The following ZNF445 variants were observed in gnomAD, a reference collection of about 807,000 sequenced individuals.
The protein encoded by ZNF445 is zinc finger protein 445.
A neutral mutation model predicts 93.9 loss-of-function variants in ZNF445; 19 were observed. The ratio of observed to expected loss-of-function variants is 0.20; its 90% CI spans 0.14 to 0.30. The LOEUF (loss-of-function observed/expected upper bound fraction) is 0.30. Among genes scored for constraint, ZNF445 ranks in the 10% least tolerant of loss-of-function variants. The pLI, the probability that ZNF445 is intolerant of heterozygous loss-of-function variation, is 1.00. For synonymous variants in ZNF445, 449 were observed against 446.3 expected, an observed-to-expected ratio of 1.01 and a Z score of -0.08; for missense variants, 1,058 against 1,259.4, an observed-to-expected ratio of 0.84 and a Z score of 2.42.
rs1362794049 is a variant in ZNF445, at chr3:44,436,026, G to C, written c.*10549C>G. 1 of 152,140 alleles carries C rather than the reference G, an allele frequency of 6.6e-6. No individual in the cohort carries two copies. The highest frequency in any genetic ancestry group is 1.5e-5 in the Non-Finnish European group (1 of 68,028). 9.4% of individuals were successfully genotyped at this position (152,140 alleles called of 1,614,324 possible). ...AGGAAGATAAAAAGTATAAATTATTGTCAGTGCAGCAGGGTCCTACTTCAA... is the reference window on the plus strand; with the variant it reads ...AGGAAGATAAAAAGTATAAATTATTCTCAGTGCAGCAGGGTCCTACTTCAA... On this transcript the variant is annotated 3_prime_UTR_variant, in exon 8 of 8. Transcript: ENST00000396077.
chr3:44,454,843 A>C (rs921148290), intron 3 of ZNF445: 1 of 465,178 alleles, frequency 2.1e-6, no homozygotes, highest in Non-Finnish European at 3.9e-6. Flanking sequence ...TGCTGGGATT[A>C]CATGTGTGAG....
At position 44,446,815 on chromosome 3, in the gene ZNF445, G is replaced by A. The variant is rs148503497; in HGVS notation, c.2856C>T (p.Leu952=). ...QKLKPSEEMP[L]EDCKEACSQS... is the part of the protein sequence containing the mutation. ...GGCTGCAAGCTTCTTTGCAGTCTTC[G>A]AGGGGCATCTCTTCACTTGGTTTTA... Residue 952 remains leucine, a synonymous_variant, in exon 8 of 8, where the codon CTC becomes CTT. Coordinates refer to ENST00000396077, the MANE Select transcript of ZNF445 (RefSeq NM_181489.6). This position sits in a 1 kb window ranked among gnomAD's most constrained non-coding sequence, Gnocchi z 4.2. 32 of 1,613,978 alleles carry A rather than the reference G, an allele frequency of 2.0e-5. No homozygotes were observed. Among genetic ancestry groups the A allele is most frequent in the African/African-American group, 6.7e-5 (5 of 74,910 alleles).
rs896873961 is a variant in ZNF445 at position 44,477,624 on chromosome 3, C to T, written c.-302G>A. The T allele has an allele frequency of 6.6e-6, 1 of 152,664 alleles. No homozygotes were observed. The highest frequency in any genetic ancestry group is 1.5e-5 in the Non-Finnish European group (1 of 68,082). The allele number at this position is 152,664 out of a possible 1,614,324, so 9.5% of individuals were successfully genotyped here. On this transcript the variant is annotated 5_prime_UTR_variant, in exon 1 of 8. Coordinates refer to ENST00000396077, the MANE Select transcript of ZNF445 (RefSeq NM_181489.6). ...GCCGCCGAGCGACAATCGGTCCACC[C>T]GCCGCCACCGCAGCCGCCCGTCCCG...
chr3:44,459,045 G>A (rs1698070453), intron 1 of ZNF445, among the ~76,000 whole-genome samples: 2 of 152,190 alleles, frequency 1.3e-5, no homozygotes, highest in African/African-American at 2.4e-5. Flanking sequence ...ATGGGGTAAA[G>A]AGAGCTATGG....
intron 3 of ZNF445, 62 bp downstream of exon 3, chr3:44,455,059 C>T (rs148608165): frequency 3.7e-6 from 6 of 1,605,662 alleles, no homozygotes; most frequent in African/African-American, 2.7e-5. Context: ...CCCCCATCCC[C>T]AGACAAGCTG....
At chr3:44,452,632 T>C (rs112922541) in intron 3 of ZNF445, among the ~76,000 whole-genome samples, 7 of 152,342 alleles carry the variant, frequency 4.6e-5, no homozygotes, top group African/African-American at 1.7e-4. Flanking sequence ...GTAAATGAGC[T>C]GAATATAACC....
rs374632547 is a variant in ZNF445, at chr3:44,448,252, T to C, written c.1419A>G (p.Gln473=). 21 of 1,614,052 alleles carry C rather than the reference T, an allele frequency of 1.3e-5. No individual in the cohort carries two copies. Among genetic ancestry groups the C allele is most frequent in the African/African-American group, 9.3e-5 (7 of 74,924 alleles). The change falls in exon 8 of 8, where the codon CAA becomes CAG. Residue 473 remains glutamine (Q), a synonymous_variant. Transcript: ENST00000396077. ...CCACTGTGTGAAGACTCTGCCCACG[T>C]TGGTGATGAGAGCTAAGGCTGAAGT... ...GKDFSLSSHH[Q]RGQSLHTVGV...
intron 3 of ZNF445, 76 bp downstream of exon 3, chr3:44,455,045 G>C: frequency 6.3e-7 from 1 of 1,575,154 alleles, no homozygotes; most frequent in Non-Finnish European, 8.7e-7. Context: ...AGTTTAGAGG[G>C]CCACCCCCAT....
Position 44,455,554 on chromosome 3 carries a change from C to T in ZNF445, c.-5G>A. 6 of 1,585,210 alleles carry T rather than the reference C, an allele frequency of 3.8e-6. No homozygotes were observed. The highest frequency in any genetic ancestry group is 5.1e-6 in the Non-Finnish European group (6 of 1,166,766). On this transcript the variant is annotated 5_prime_UTR_variant, in exon 3 of 8. Coordinates refer to ENST00000396077, the MANE Select transcript of ZNF445 (RefSeq NM_181489.6). ...ATGCCACCTGCCTGGAGGCATCACT[C>T]CTGTTCAGGGACTAACCAGAAGAGT...
chr3:44,468,599 C>T (rs1025122525), intron 1 of ZNF445, among the ~76,000 whole-genome samples: 6 of 152,106 alleles, frequency 3.9e-5, no homozygotes, highest in African/African-American at 7.2e-5. Context: ...GCAGCCCCTG[C>T]ACTTGATGGA....
intron 6 of ZNF445, chr3:44,450,104 T>C (rs1697936358): frequency 1.5e-5 from 5 of 328,054 alleles, no homozygotes; most frequent in South Asian, 1.3e-4. Context: ...CACATGCTTG[T>C]ATTTTTGTAT....
intron 1 of ZNF445, among the ~76,000 whole-genome samples, chr3:44,460,030 C>T (rs918688656): frequency 2.6e-5 from 4 of 151,994 alleles, no homozygotes; most frequent in African/African-American, 4.8e-5. Context: ...AGCAAGACTC[C>T]GTTTCTATTG....
intron 1 of ZNF445, among the ~76,000 whole-genome samples, chr3:44,476,575 CCTAATA>C (rs1698360231): frequency 6.6e-6 from 1 of 152,110 alleles, no homozygotes; most frequent in Admixed American, 6.6e-5. Flanking sequence ...AAACAACCAA[CCTAATA>C]CTGAGTTTTT....
chr3:44,476,054 A>G (rs577979988), intron 1 of ZNF445, among the ~76,000 whole-genome samples: 1 of 152,312 alleles, frequency 6.6e-6, no homozygotes, highest in South Asian at 2.1e-4. Flanking sequence ...TAAGAATAGG[A>G]AGGAAAAAAA....
chr3:44,446,041 C>A lies in ZNF445; in HGVS notation c.*534G>T. On this transcript the variant is annotated 3_prime_UTR_variant, in exon 8 of 8. Coordinates refer to ENST00000396077, the MANE Select transcript of ZNF445 (RefSeq NM_181489.6). The surrounding 1 kb of genome is among the most constrained non-coding windows in gnomAD (Gnocchi z 4.2). ...CCTGCCGCTGAGACCACTCTAACCCCCTAGCAGATATCCAAAAGCCAGCCA... is the reference window on the plus strand; with the variant it reads ...CCTGCCGCTGAGACCACTCTAACCCACTAGCAGATATCCAAAAGCCAGCCA... 1 of 165,502 alleles carries A rather than the reference C, an allele frequency of 6.0e-6. No individual in the cohort carries two copies. The highest frequency in any genetic ancestry group is 1.3e-5 in the Non-Finnish European group (1 of 77,516). 10.3% of individuals were successfully genotyped at this position (165,502 alleles called of 1,614,324 possible). A position where few individuals can be genotyped will look rare whatever the true frequency, so the allele number is the denominator to read the frequency against.
rs975644051 is a variant in ZNF445 at position 44,443,534 on chromosome 3, C to G, written c.*3041G>C. ...AGGAGATCGAGACCATCCTGGAGAT[C>G]GAGACCATCCTGGAGATCGAGACCA... is the stretch of plus-strand genomic sequence containing the variant. On this transcript the variant is annotated 3_prime_UTR_variant, in exon 8 of 8. Transcript: ENST00000396077. 4.6e-5 allele frequency: 7 copies of G among 151,116 alleles called. No individual in the cohort carries two copies. The highest frequency in any genetic ancestry group is 1.2e-4 in the African/African-American group (5 of 41,082). The allele number at this position is 151,116 out of a possible 1,614,324, so 9.4% of individuals were successfully genotyped here.
In ZNF445 at chr3:44,442,734, G is replaced by T. The variant is rs1328524841; in HGVS notation, c.*3841C>A. 1.3e-5 allele frequency: 2 copies of T among 152,140 alleles called. No homozygotes were observed. Among genetic ancestry groups the T allele is most frequent in the East Asian group, 3.9e-4 (2 of 5,188 alleles). 9.4% of individuals were successfully genotyped at this position (152,140 alleles called of 1,614,324 possible). ...CAGGATGAGATGCAAGATGAGACCT[G>T]GTGCTCAGGGCAATCAGAAACTGTC... On this transcript the variant is annotated 3_prime_UTR_variant, in exon 8 of 8. Coordinates refer to ENST00000396077, the MANE Select transcript of ZNF445 (RefSeq NM_181489.6).
rs1342232083 is a variant in ZNF445, at chr3:44,455,715, G to A, written c.-147-19C>T. The stretch of plus-strand genomic sequence containing the variant: ...AGCATTTCTGTGCAGGAGGGGATGA[G>A]AGAATAATGTCCATTATACATGGTG... On this transcript the variant is annotated intron_variant, in intron 2 of 7. Transcript: ENST00000396077. 4.7e-6 allele frequency: 3 copies of A among 634,968 alleles called. No individual in the cohort carries two copies. The highest frequency in any genetic ancestry group is 4.2e-4 in the Middle Eastern group (1 of 2,398). The allele number at this position is 634,968 out of a possible 1,614,324, so 39.3% of individuals were successfully genotyped here. A position where few individuals can be genotyped will look rare whatever the true frequency, so the allele number is the denominator to read the frequency against.
intron 3 of ZNF445, among the ~76,000 whole-genome samples, chr3:44,453,303 A>AAAT (rs1697981836): frequency 1.3e-5 from 2 of 148,500 alleles, no homozygotes; most frequent in East Asian, 2.0e-4. Flanking sequence ...TTTTTTTTTA[A>AAAT]TTTTTTTTTT....
Sources: allele counts gnomAD v4.1 joint callset (sites outside exome capture counted in the v4.1 genomes callset), GRCh38; gene constraint gnomAD v4.1.1; non-coding constraint Gnocchi (gnomAD v3.1); transcripts MANE v1.5; gene names NCBI Gene and HGNC (gene_info 2026-07-23, HGNC 2026-07-21).